Variants in DAB1 observed in about 807,000 individuals in gnomAD.
The protein encoded by DAB1 is disabled homolog 1.
DAB1 carries 15 observed loss-of-function variants against 64.6 expected under a neutral mutation model. The ratio of observed to expected loss-of-function variants is 0.23; its 90% CI spans 0.16 to 0.36. DAB1 has a LOEUF of 0.36. Among genes scored for constraint, DAB1 ranks in the 10% least tolerant of loss-of-function variants. The pLI, the probability that DAB1 is intolerant of heterozygous loss-of-function variation, is 1.00. For synonymous variants in DAB1, 235 were observed against 251.9 expected (o/e 0.93, Z 0.64); for missense variants, 596 against 706.7 (o/e 0.84, Z 1.78).
At chr1:58,448,764 G>C (rs1032798577) in intron 3 of DAB1, among the ~76,000 whole-genome samples, 3 of 152,168 alleles carry the variant, frequency 2.0e-5, no homozygotes, top group Non-Finnish European at 4.4e-5. Context: ...TGGAATTGAG[G>C]CTCTGGCAGG....
intron 4 of DAB1, among the ~76,000 whole-genome samples, chr1:58,338,276 T>A (rs1298308630): frequency 6.6e-6 from 1 of 151,930 alleles, no homozygotes; most frequent in Admixed American, 6.6e-5. Context: ...CATCTCTGAG[T>A]CCCCTCCCTC....
chr1:57,829,011 A>G (rs1337554140), intron 1 of DAB1, among the ~76,000 whole-genome samples: 1 of 152,200 alleles, frequency 6.6e-6, no homozygotes, highest in Non-Finnish European at 1.5e-5. Flanking sequence ...TATCACCTTG[A>G]AAGCACATTT....
At chr1:57,818,935 GTTAATTTTACT>G (rs1365302507) in intron 6 of DAB1, among the ~76,000 whole-genome samples, 1 of 152,066 alleles carries the variant, frequency 6.6e-6, no homozygotes, top group Non-Finnish European at 1.5e-5. Context: ...ACTCTATGAA[GTTAATTTTACT>G]TTAATTTTAT....
chr1:57,520,454 A>T (rs1644512320), intron 7 of DAB1, among the ~76,000 whole-genome samples: 1 of 152,156 alleles, frequency 6.6e-6, no homozygotes, highest in East Asian at 1.9e-4. Context: ...TTAAGGGTCA[A>T]TTTTTTTGTT....
intron 9 of DAB1, chr1:57,033,473 G>T (rs781070069): frequency 1.3e-5 from 21 of 1,612,600 alleles, no homozygotes; most frequent in Non-Finnish European, 1.7e-5. Flanking sequence ...TGAAATGAAT[G>T]ATGAGAAAAT....
intron 6 of DAB1, among the ~76,000 whole-genome samples, chr1:57,678,758 A>G (rs1295658099): frequency 8.5e-6 from 1 of 117,114 alleles, no homozygotes; most frequent in Non-Finnish European, 1.6e-5. Flanking sequence ...CAGTGAGGCA[A>G]CTGTTTTTTG....
At chr1:58,082,027 C>G (rs1042760076) in intron 5 of DAB1, among the ~76,000 whole-genome samples, 4 of 152,132 alleles carry the variant, frequency 2.6e-5, no homozygotes, top group African/African-American at 9.7e-5. Flanking sequence ...ATTTGGCAGT[C>G]CTCAGTCCAT....
chr1:57,064,727 TG>T (rs1347783411), intron 8 of DAB1, among the ~76,000 whole-genome samples: 2 of 151,786 alleles, frequency 1.3e-5, no homozygotes, highest in Non-Finnish European at 2.9e-5. Flanking sequence ...TCACATCCTA[TG>T]TTCCCAGAAG....
intron 6 of DAB1, among the ~76,000 whole-genome samples, chr1:57,674,219 A>C (rs533367269): frequency 5.9e-5 from 9 of 152,262 alleles, no homozygotes; most frequent in African/African-American, 2.2e-4. Flanking sequence ...AAGGCATTTG[A>C]AAAACTCTTT....
intron 5 of DAB1, among the ~76,000 whole-genome samples, chr1:57,943,163 T>C (rs2100209552): frequency 6.6e-6 from 1 of 152,274 alleles, no homozygotes; most frequent in African/African-American, 2.4e-5. Flanking sequence ...CTACAAAGAG[T>C]TATGCTCTTT....
intron 9 of DAB1, among the ~76,000 whole-genome samples, chr1:57,060,297 T>C (rs1313647): frequency 0.61 from 91,974 of 151,462 alleles, 28,342 homozygotes; most frequent in Middle Eastern, 0.77. Flanking sequence ...ATTACAGGCA[T>C]GCCTCACCAT....
In DAB1 at chr1:58,276,451, G is replaced by A. The variant is rs375080046; in HGVS notation, n.309+66901C>T. On this transcript the variant is annotated intron_variant and non_coding_transcript_variant, in intron 4 of 20. Transcript: ENST00000485760. ...GGTTGGGAAGTTCTGGGAAATCTAC[G>A]CAAAGAAAACACTTTAAATGCATTA... Among the ~76,000 whole-genome samples the A allele has an allele frequency of 4.6e-5, 7 of 152,196 alleles. No homozygotes were observed. The South Asian group carries it at 6.2e-4, about 14-fold the overall frequency.
intron 1 of DAB1, among the ~76,000 whole-genome samples, chr1:57,336,311 G>T (rs1287361459): frequency 1.3e-5 from 2 of 152,188 alleles, no homozygotes. Flanking sequence ...ATGACACTCT[G>T]ATTGCATAGG....
chr1:57,342,488 C>CA (rs1240249534), intron 1 of DAB1, among the ~76,000 whole-genome samples: 2 of 151,910 alleles, frequency 1.3e-5, no homozygotes, highest in African/African-American at 4.8e-5. Flanking sequence ...AAGGGAAAAA[C>CA]AAAAAAATAA....
chr1:57,295,703 T>C (rs115511258), intron 1 of DAB1, among the ~76,000 whole-genome samples: 2 of 152,106 alleles, frequency 1.3e-5, no homozygotes, highest in East Asian at 1.9e-4. Context: ...TTGTTTTTCA[T>C]AGGGAGAACT....
intron 4 of DAB1, among the ~76,000 whole-genome samples, chr1:58,210,851 G>A (rs564934911): frequency 2.0e-4 from 31 of 152,304 alleles, no homozygotes; most frequent in African/African-American, 7.2e-4. Flanking sequence ...TAAATTCTAT[G>A]AGGGAAATGT....
Position 57,032,828 on chromosome 1 carries a change from A to C in DAB1, c.724-6785T>G, listed in dbSNP as rs1352598386. 5.9e-5 allele frequency among the ~76,000 whole-genome samples: 9 copies of C among 152,356 alleles called. No homozygotes were observed. The East Asian group carries it at 1.7e-3, about 29-fold the overall frequency. On this transcript the variant is annotated intron_variant, in intron 9 of 14. Coordinates refer to ENST00000371236, the MANE Select transcript of DAB1 (RefSeq NM_001365792.1). ...GGCTTCTGTATCAATCAATTTGAACAGATGTTGACTGCAACCAATATATTT... is the reference window on the plus strand; with the variant it reads ...GGCTTCTGTATCAATCAATTTGAACCGATGTTGACTGCAACCAATATATTT...
At chr1:57,198,956 T>G (rs750163976) in intron 2 of DAB1, among the ~76,000 whole-genome samples, 1 of 152,116 alleles carries the variant, frequency 6.6e-6, no homozygotes, top group Non-Finnish European at 1.5e-5. Context: ...CCTGTGAAGG[T>G]CAGCAGCTTG....
At chr1:58,090,008 CG>C (rs1341922453) in intron 5 of DAB1, among the ~76,000 whole-genome samples, 1 of 152,168 alleles carries the variant, frequency 6.6e-6, no homozygotes, top group Non-Finnish European at 1.5e-5. Context: ...AAAAGCAAGT[CG>C]GGGGCACAGA....
Sources: gnomAD v4.1 joint callset for allele counts (sites outside exome capture counted in the v4.1 genomes callset) on GRCh38, gnomAD v4.1.1 for gene constraint, MANE v1.5 for transcripts, NCBI Gene and HGNC (gene_info 2026-07-23, HGNC 2026-07-21) for gene names.